COL13A1: variants seen among roughly 807,000 people sequenced by gnomAD.
COL13A1 encodes collagen alpha-1(XIII) chain.
COL13A1 carries 89 observed loss-of-function variants against 130.9 expected under a neutral mutation model. That is an observed-to-expected ratio of 0.68 (90% CI 0.57 to 0.81). The LOEUF (loss-of-function observed/expected upper bound fraction) is 0.81. COL13A1 is among the 30% of genes least tolerant of loss of function. The pLI, the probability that COL13A1 is intolerant of heterozygous loss-of-function variation, is 0.00. For missense variants in COL13A1, 879 were observed against 934.6 expected, an observed-to-expected ratio of 0.94 and a Z score of 0.78; for synonymous variants, 402 against 341.6, an observed-to-expected ratio of 1.18 and a Z score of -1.95.
In COL13A1 at chr10:69,944,224, C is replaced by T. The variant is rs559411466; in HGVS notation, c.1968+46C>T. On this transcript the variant is annotated intron_variant, in intron 36 of 40. Coordinates refer to ENST00000645393, the MANE Select transcript of COL13A1 (RefSeq NM_001368882.1). ...GGCCTGGGCGGCCAGGAGGGAGAGG[C>T]ATGCCTGGGACCCAACACCAGGGGT... 5.8e-6 allele frequency: 9 copies of T among 1,543,388 alleles called. No individual in the cohort carries two copies. The South Asian group carries it at 7.8e-5, about 13-fold the overall frequency.
intron 2 of COL13A1, among the ~76,000 whole-genome samples, chr10:69,825,418 A>T (rs1016427097): frequency 6.6e-6 from 1 of 152,216 alleles, no homozygotes. Context: ...GCAGCACCTA[A>T]TACTGTACCC....
chr10:69,926,018 C>CTT (rs762327280), intron 26 of COL13A1, 146 bp downstream of exon 26: 31 of 652,422 alleles, frequency 4.8e-5, no homozygotes, highest in Non-Finnish European at 7.8e-5. Context: ...TGCTTCCTCG[C>CTT]TTTCTCTCCT....
chr10:69,894,832 C>T (rs1322829456), intron 12 of COL13A1, 131 bp downstream of exon 12: 18 of 1,229,954 alleles, frequency 1.5e-5, no homozygotes, highest in East Asian at 4.8e-5. Context: ...CCCGAGGTGC[C>T]GCATAATAGA....
intron 15 of COL13A1, among the ~76,000 whole-genome samples, chr10:69,903,515 C>T (rs759534369): frequency 1.1e-4 from 16 of 152,242 alleles, no homozygotes; most frequent in Non-Finnish European, 2.2e-4. Context: ...CACTCTTTCC[C>T]AGCCCAATTT....
Position 69,802,463 on chromosome 10 carries a change from GC to G in COL13A1, c.43del (p.Arg15AlafsTer34). 1 of 1,505,638 alleles carries G rather than the reference GC, an allele frequency of 6.6e-7. No individual in the cohort carries two copies. Among genetic ancestry groups the G allele is most frequent in the Non-Finnish European group, 8.8e-7 (1 of 1,132,674 alleles). The allele number at this position is 1,505,638 out of a possible 1,614,324, so 93.3% of individuals were successfully genotyped here. A position where few individuals can be genotyped will look rare whatever the true frequency, so the allele number is the denominator to read the frequency against. ...CACCCACAAAGCGGCAGCCACCGGTGCCCGCGGCCCTGGGGAGTTGGGCGCG... is the reference window on the plus strand; with the variant it reads ...CACCCACAAAGCGGCAGCCACCGGTGCCGCGGCCCTGGGGAGTTGGGCGCG... The part of the protein sequence containing the change: ...ERTHKAAATG[A>X]RGPGELGAPG... On this transcript the variant is annotated frameshift_variant, in exon 1 of 41. Transcript: ENST00000645393. LOFTEE classifies it high-confidence loss of function.
chr10:69,819,277 G>A (rs1564749409), intron 1 of COL13A1, among the ~76,000 whole-genome samples: 1 of 152,204 alleles, frequency 6.6e-6, no homozygotes, highest in Non-Finnish European at 1.5e-5. Context: ...AGTGATGAGG[G>A]TCAGGTGAAG....
chr10:69,958,621 C>T (rs2071270434), intron 40 of COL13A1, 78 bp from the exon 41 acceptor site: 3 of 1,608,400 alleles, frequency 1.9e-6, no homozygotes, highest in East Asian at 2.2e-5. Context: ...ACAAGATTTA[C>T]CTCCCTTCCT....
chr10:69,905,839 G>A lies in COL13A1; in HGVS notation c.921+17G>A. The A allele has an allele frequency of 1.2e-6, 2 of 1,613,364 alleles. No homozygotes were observed. Among genetic ancestry groups the A allele is most frequent in the Non-Finnish European group, 1.7e-6 (2 of 1,179,654 alleles). ...GGCCGGAAGGTAAGATGGAGGGGGA[G>A]GACCCAAGTGGGGCAGGACTTTGGA... On this transcript the variant is annotated intron_variant, in intron 17 of 40. Transcript: ENST00000645393.
intron 1 of COL13A1, among the ~76,000 whole-genome samples, chr10:69,804,399 C>T (rs1356491225): frequency 2.0e-5 from 3 of 152,226 alleles, no homozygotes; most frequent in Admixed American, 1.3e-4. Flanking sequence ...AAGTCGCATA[C>T]TCTAGGGGCC....
intron 2 of COL13A1, among the ~76,000 whole-genome samples, chr10:69,866,574 G>A (rs574941295): frequency 1.8e-4 from 27 of 152,216 alleles, no homozygotes; most frequent in Non-Finnish European, 2.4e-4. Flanking sequence ...TGCTCCCCCT[G>A]CTCTGTGCTC....
At chr10:69,941,149 A>G (rs1405903566) in intron 35 of COL13A1, 126 bp downstream of exon 35, 3 of 1,499,298 alleles carry the variant, frequency 2.0e-6, no homozygotes, top group Non-Finnish European at 2.8e-6. Context: ...CTCCGACACC[A>G]GAAAGGTGCC....
At chr10:69,886,940 G>T (rs577318291) in intron 7 of COL13A1, among the ~76,000 whole-genome samples, 1 of 152,346 alleles carries the variant, frequency 6.6e-6, no homozygotes, top group South Asian at 2.1e-4. Context: ...GCTAGGAGAA[G>T]CCTGCTGGCT....
At chr10:69,906,882 C>T (rs903295870) in intron 17 of COL13A1, among the ~76,000 whole-genome samples, 4 of 152,044 alleles carry the variant, frequency 2.6e-5, no homozygotes, top group Admixed American at 2.6e-4. Flanking sequence ...AGGTGCACAC[C>T]ACCATGCCCA....
chr10:69,875,224 T>C, intron 5 of COL13A1, 61 bp downstream of exon 5: 4 of 1,603,410 alleles, frequency 2.5e-6, no homozygotes, highest in African/African-American at 2.7e-5. Flanking sequence ...TGCTGGCCTG[T>C]CCTCTAAACC....
chr10:69,935,908 G>A (rs1410776457), intron 32 of COL13A1, among the ~76,000 whole-genome samples: 1 of 151,544 alleles, frequency 6.6e-6, no homozygotes, highest in Admixed American at 6.6e-5. Context: ...CTACTCAAGA[G>A]GCTAAGGTGG....
chr10:69,909,496 GC>G (rs940965619), intron 17 of COL13A1, among the ~76,000 whole-genome samples: 7 of 152,234 alleles, frequency 4.6e-5, no homozygotes, highest in African/African-American at 1.7e-4. Flanking sequence ...AAAGCCAACA[GC>G]CCATGGCTGG....
chr10:69,850,943 C>T (rs1854607822), intron 2 of COL13A1, among the ~76,000 whole-genome samples: 1 of 152,208 alleles, frequency 6.6e-6, no homozygotes, highest in Non-Finnish European at 1.5e-5. Flanking sequence ...GAGCTATCTG[C>T]AGGCAGCACC....
intron 37 of COL13A1, 69 bp downstream of exon 37, chr10:69,945,793 C>A: frequency 6.4e-7 from 1 of 1,554,930 alleles, no homozygotes; most frequent in Admixed American, 1.9e-5. Context: ...CCACGGCCGG[C>A]CGGGCATGGT....
At chr10:69,819,598 G>C (rs1408637397) in intron 1 of COL13A1, among the ~76,000 whole-genome samples, 4 of 152,128 alleles carry the variant, frequency 2.6e-5, no homozygotes. Context: ...TGCCTTTGGG[G>C]GAGAGTGTGA....
Sources: gnomAD v4.1 joint callset for allele counts (sites outside exome capture counted in the v4.1 genomes callset) on GRCh38, gnomAD v4.1.1 for gene constraint, MANE v1.5 for transcripts, NCBI Gene and HGNC (gene_info 2026-07-23, HGNC 2026-07-21) for gene names.